THEMIS: variants seen among roughly 807,000 people sequenced by gnomAD.
THEMIS encodes protein THEMIS.
Under a neutral mutation model 52.6 loss-of-function variants are expected in THEMIS, and 37 were observed. That is an observed-to-expected ratio of 0.70 (90% CI 0.54 to 0.93). The LOEUF is 0.93. THEMIS is among the 40% of genes least tolerant of loss of function. The pLI, the probability that THEMIS is intolerant of heterozygous loss-of-function variation, is 0.00. For missense variants in THEMIS, 808 were observed against 763.1 expected, an observed-to-expected ratio of 1.06 and a Z score of -0.69; for synonymous variants, 292 against 272.7, an observed-to-expected ratio of 1.07 and a Z score of -0.70.
chr6:127,703,543 C>A (rs1445712342), downstream of THEMIS, among the ~76,000 whole-genome samples: 1 of 152,026 alleles, frequency 6.6e-6, no homozygotes, highest in Non-Finnish European at 1.5e-5. Flanking sequence ...CAAGAAATGA[C>A]AAGAATATGT....
At chr6:127,778,648 CTT>C (rs1180332237) in intron 4 of THEMIS, among the ~76,000 whole-genome samples, 1 of 152,048 alleles carries the variant, frequency 6.6e-6, no homozygotes, top group Non-Finnish European at 1.5e-5. Flanking sequence ...GTGATCTGAT[CTT>C]TTTTGTCATA....
chr6:127,832,777 C>CTTTTTTTTTTTTTTTTTTTTT lies in THEMIS; in HGVS notation c.251-2864_251-2844dup, dbSNP rs11355741. Among the ~76,000 whole-genome samples the CTTTTTTTTTTTTTTTTTTTTT allele has an allele frequency of 2.9e-4, 17 of 57,802 alleles. 4 individuals carry two copies. The highest frequency in any genetic ancestry group is 9.9e-4 in the African/African-American group (13 of 13,096). The allele number at this position is 57,802 out of a possible 152,430, so 37.9% of individuals were successfully genotyped here. On this transcript the variant is annotated intron_variant, in intron 2 of 5. Coordinates refer to ENST00000368248, the MANE Select transcript of THEMIS (RefSeq NM_001010923.3). ...CTATTTCCACCTAGGATTGTCAGAT[C>CTTTTTTTTTTTTTTTTTTTTT]TTTTTTTTTTTTTTTTTTTTTTTTG...
chr6:127,721,616 C>T (rs1344256986), intron 4 of THEMIS, among the ~76,000 whole-genome samples: 1 of 152,060 alleles, frequency 6.6e-6, no homozygotes, highest in East Asian at 1.9e-4. Context: ...AACTAAACCA[C>T]CCCACTTGTT....
chr6:127,791,850 G>A (rs544801712), intron 4 of THEMIS, among the ~76,000 whole-genome samples: 71 of 152,318 alleles, frequency 4.7e-4, no homozygotes, highest in Non-Finnish European at 9.4e-4. Flanking sequence ...CAGCCGAGTC[G>A]TGACAGCCCC....
chr6:127,801,241 T>C (rs951001752), intron 4 of THEMIS, among the ~76,000 whole-genome samples: 11 of 152,170 alleles, frequency 7.2e-5, no homozygotes, highest in South Asian at 2.1e-4. Context: ...ATAATGAAGC[T>C]CCTTGGTTGC....
chr6:127,912,929 T>C (rs1781443385), intron 1 of THEMIS, among the ~76,000 whole-genome samples: 1 of 152,196 alleles, frequency 6.6e-6, no homozygotes, highest in African/African-American at 2.4e-5. Context: ...TAGCCTGAAT[T>C]CCAATGCTTC....
the THEMIS span, among the ~76,000 whole-genome samples, chr6:127,701,693 T>C: frequency 6.6e-6 from 1 of 152,142 alleles, no homozygotes; most frequent in South Asian, 2.1e-4. Context: ...CATAGTTTCT[T>C]CAAAACGTTC....
chr6:127,807,009 C>T (rs1777734669), intron 4 of THEMIS, among the ~76,000 whole-genome samples: 1 of 152,154 alleles, frequency 6.6e-6, no homozygotes, highest in Non-Finnish European at 1.5e-5. Context: ...AACTCAAAAA[C>T]CATGATTTAT....
At chr6:127,831,251 T>C (rs184231517) in intron 2 of THEMIS, among the ~76,000 whole-genome samples, 2 of 152,290 alleles carry the variant, frequency 1.3e-5, no homozygotes, top group South Asian at 2.1e-4. Context: ...TTTTTGTACA[T>C]TGTATGTCTA....
At chr6:127,755,164 T>C (rs749227552) in intron 4 of THEMIS, among the ~76,000 whole-genome samples, 13 of 152,218 alleles carry the variant, frequency 8.5e-5, no homozygotes, top group Non-Finnish European at 1.9e-4. Flanking sequence ...AATATAATGC[T>C]CTTGCACTAT....
chr6:127,917,446 G>A (rs1200918304), intron 1 of THEMIS, among the ~76,000 whole-genome samples: 7 of 152,298 alleles, frequency 4.6e-5, no homozygotes, highest in Admixed American at 1.3e-4. Flanking sequence ...GACAGGAACC[G>A]GGGCAGTAGA....
At chr6:127,917,167 G>A (rs940862487) in intron 1 of THEMIS, among the ~76,000 whole-genome samples, 3 of 152,158 alleles carry the variant, frequency 2.0e-5, no homozygotes, top group South Asian at 2.1e-4. Flanking sequence ...AGATCTTCCC[G>A]AGTCTCACAA....
chr6:127,904,839 A>G (rs1338807979), upstream of THEMIS, among the ~76,000 whole-genome samples: 1 of 152,034 alleles, frequency 6.6e-6, no homozygotes, highest in African/African-American at 2.4e-5. Context: ...AAATACAGTA[A>G]CTGAAATTAA....
chr6:127,860,142 T>G (rs1779747017), intron 1 of THEMIS, among the ~76,000 whole-genome samples: 1 of 152,172 alleles, frequency 6.6e-6, no homozygotes, highest in Admixed American at 6.6e-5. Flanking sequence ...TAGACATTTA[T>G]ATGGCCAGTC....
chr6:127,813,380 A>T lies in THEMIS; in HGVS notation c.1261T>A (p.Tyr421Asn). ...TACAAAGGGAGCAGCGCAGCCTCAT[A>T]GGACTTTTTGAGGATTTTTTCACAG... The part of the protein sequence containing the change: ...LACEKILKKS[Y>N]EAALLPLYME... The change falls in exon 4 of 6, where the codon TAT becomes AAT. Residue 421 changes from tyrosine to asparagine, a missense_variant. Transcript: ENST00000368248. 1 of 1,613,808 alleles carries T rather than the reference A, an allele frequency of 6.2e-7. No individual in the cohort carries two copies. Among genetic ancestry groups the T allele is most frequent in the Middle Eastern group, 1.7e-4 (1 of 6,056 alleles).
intron 1 of THEMIS, among the ~76,000 whole-genome samples, chr6:127,909,398 G>T (rs567811436): frequency 2.6e-4 from 39 of 152,176 alleles, no homozygotes; most frequent in Non-Finnish European, 4.9e-4. Context: ...TCATGATAGT[G>T]AGTGAGTTCT....
At chr6:127,880,957 G>A (rs977191325) in intron 1 of THEMIS, among the ~76,000 whole-genome samples, 6 of 152,100 alleles carry the variant, frequency 3.9e-5, no homozygotes, top group Middle Eastern at 3.4e-3. Flanking sequence ...TTTAAAAGAC[G>A]CGATGATTCC....
At chr6:127,853,813 T>G (rs1426069497) in intron 2 of THEMIS, among the ~76,000 whole-genome samples, 1 of 151,658 alleles carries the variant, frequency 6.6e-6, no homozygotes, top group Admixed American at 6.6e-5. Context: ...ACAGTATTAT[T>G]ATTCCCATTT....
chr6:127,765,351 A>G (rs1459124452), intron 4 of THEMIS, among the ~76,000 whole-genome samples: 1 of 152,144 alleles, frequency 6.6e-6, no homozygotes, highest in Non-Finnish European at 1.5e-5. Context: ...GAACAATAAA[A>G]GCCCAAATTG....
Sources: gnomAD v4.1 joint callset for allele counts (sites outside exome capture counted in the v4.1 genomes callset) on GRCh38, gnomAD v4.1.1 for gene constraint, MANE v1.5 for transcripts, NCBI Gene and HGNC (gene_info 2026-07-23, HGNC 2026-07-21) for gene names.